Variants in SH2D7 observed in about 807,000 individuals in gnomAD.
The protein encoded by SH2D7 is SH2 domain containing 7.
SH2D7 carries 32 observed loss-of-function variants against 40.8 expected under a neutral mutation model. The observed-to-expected ratio is 0.78, with a 90% CI of 0.59 to 1.05. The LOEUF is 1.05. SH2D7 is among the 50% of genes least tolerant of loss of function. SH2D7 has a pLI of 0.00. For missense variants in SH2D7, 559 were observed against 566.6 expected (o/e 0.99, Z 0.14); for synonymous variants, 195 against 221.5 (o/e 0.88, Z 1.06).
Position 78,101,445 on chromosome 15 carries a change from C to T in SH2D7, c.1192C>T (p.Pro398Ser), listed in dbSNP as rs1411671767. The change falls in exon 5 of 6, where the codon CCA (proline) becomes TCA (serine). Residue 398 changes from proline (P) to serine (S), a missense_variant. By Grantham distance (74) the Pro-to-Ser change is moderately conservative. Transcript: ENST00000328828. The stretch of plus-strand genomic sequence containing the variant: ...TCCTGGGGCCAGTCCCACATATAGC[C>T]CATGGGTCCATGGCTACAAGAGGAT... The part of the protein sequence containing the change: ...PHPGASPTYS[P>S]WVHGYKRISG... 1.2e-6 allele frequency: 2 copies of T among 1,613,182 alleles called. No homozygotes were observed. The highest frequency in any genetic ancestry group is 1.1e-5 in the South Asian group (1 of 90,954).
intron 1 of SH2D7, among the ~76,000 whole-genome samples, 197 bp from the exon 2 acceptor site, chr15:78,093,915 T>G (rs2073954423): frequency 6.6e-6 from 1 of 152,176 alleles, no homozygotes; most frequent in Non-Finnish European, 1.5e-5. Flanking sequence ...AACTTAATCA[T>G]TTGGGCTCAG....
chr15:78,092,803 C>T (rs1365329561), intron 1 of SH2D7, 43 bp downstream of exon 1: 1 of 1,552,158 alleles, frequency 6.4e-7, no homozygotes, highest in Non-Finnish European at 8.7e-7. Flanking sequence ...GCCCACAGCC[C>T]CTTGGGGCTG....
chr15:78,097,730 C>T (rs896818488), intron 2 of SH2D7, among the ~76,000 whole-genome samples, 199 bp from the exon 3 acceptor site: 2 of 152,192 alleles, frequency 1.3e-5, no homozygotes, highest in Admixed American at 6.5e-5. Flanking sequence ...CAGGGCTCCA[C>T]GGTTTGAAAA....
chr15:78,100,088 C>T (rs1370983210), intron 4 of SH2D7, among the ~76,000 whole-genome samples: 7 of 152,230 alleles, frequency 4.6e-5, no homozygotes, highest in Admixed American at 6.5e-5. Context: ...TCATATAGCA[C>T]ATCAAACCAT....
chr15:78,098,720 C>A (rs2073992488), intron 4 of SH2D7, 124 bp downstream of exon 4: 2 of 1,171,960 alleles, frequency 1.7e-6, no homozygotes, highest in Non-Finnish European at 2.4e-6. Flanking sequence ...TGAGCCAGGC[C>A]CAGAGGTGCG....
At chr15:78,101,607 T>C in intron 5 of SH2D7, 49 bp downstream of exon 5, 1 of 1,505,256 alleles carries the variant, frequency 6.6e-7, no homozygotes, top group Non-Finnish European at 8.8e-7. Flanking sequence ...AGAGAGCACC[T>C]GGTGGTAGGA....
rs1046880862 is a variant in SH2D7 at position 78,092,864 on chromosome 15, G to A, written c.176+104G>A. 3 of 1,350,524 alleles carry A rather than the reference G, an allele frequency of 2.2e-6. No homozygotes were observed. The African/African-American group carries it at 4.4e-5, about 20-fold the overall frequency. The allele number at this position is 1,350,524 out of a possible 1,614,324, so 83.7% of individuals were successfully genotyped here. On this transcript the variant is annotated intron_variant, in intron 1 of 5. Transcript: ENST00000328828. ...CAGACTGGTTCCCATCCTTTCCCTGGGCTAGGCAGGGGCCCTTGGAGGCGG... is the reference window on the plus strand; with the variant it reads ...CAGACTGGTTCCCATCCTTTCCCTGAGCTAGGCAGGGGCCCTTGGAGGCGG...
At chr15:78,099,283 G>C (rs1435647594) in intron 4 of SH2D7, among the ~76,000 whole-genome samples, 1 of 151,582 alleles carries the variant, frequency 6.6e-6, no homozygotes, top group Non-Finnish European at 1.5e-5. Flanking sequence ...AAAGTGCTGG[G>C]ATTACAGGCA....
At chr15:78,098,243 A>G in intron 3 of SH2D7, 141 bp from the exon 4 acceptor site, 1 of 1,385,324 alleles carries the variant, frequency 7.2e-7, no homozygotes. Flanking sequence ...CTATTGGAAA[A>G]AGGGAGACTG....
chr15:78,097,499 T>C (rs929693428), intron 2 of SH2D7, among the ~76,000 whole-genome samples: 2 of 152,148 alleles, frequency 1.3e-5, no homozygotes, highest in Non-Finnish European at 2.9e-5. Flanking sequence ...AGGTGCAGGG[T>C]TGGATCCTGT....
At position 78,094,200 on chromosome 15, in the gene SH2D7, A is replaced by G; in HGVS notation, c.265A>G (p.Arg89Gly). The G allele has an allele frequency of 6.2e-7, 1 of 1,606,974 alleles. No individual in the cohort carries two copies. ...AGCCACTGGCTACATCTTGTCCTAC[A>G]GGTAAGAGGGGAAGCCCTCTGGGCA... ...DRATGYILSY[R>G]GSDRCRHFVI... The change falls in exon 2 of 6, where the codon AGG (arginine) becomes GGG (glycine). Residue 89 changes from arginine (R) to glycine (G), a missense_variant and splice_region_variant. Coordinates refer to ENST00000328828, the MANE Select transcript of SH2D7 (RefSeq NM_001101404.2).
At chr15:78,094,873 G>C (rs1019850115) in intron 2 of SH2D7, among the ~76,000 whole-genome samples, 11 of 152,126 alleles carry the variant, frequency 7.2e-5, no homozygotes, top group Non-Finnish European at 1.5e-4. Context: ...AGTGGGGATA[G>C]AGAGAAGGAG....
At chr15:78,102,772 T>A (rs992846683) in intron 5 of SH2D7, among the ~76,000 whole-genome samples, 7 of 151,938 alleles carry the variant, frequency 4.6e-5, no homozygotes, top group African/African-American at 1.7e-4. Context: ...GGGAGGCAGA[T>A]GAACTCTCTG....
At position 78,098,081 on chromosome 15, in the gene SH2D7, C is replaced by A; in HGVS notation, c.419C>A (p.Ala140Asp). ...GAGCCCTTCAAAGAGATGCTGACTG[C>A]TGCCTGCCCCCGGGTAGGCGCCCCA... is the stretch of plus-strand genomic sequence containing the variant. ...QLEPFKEMLT[A>D]ACPRPEDNDL... The change falls in exon 3 of 6, where the codon GCT becomes GAT. Residue 140 changes from alanine to aspartate, a missense_variant. Ala to Asp is a moderately radical substitution (Grantham distance 126, BLOSUM62 -2). Coordinates refer to ENST00000328828, the MANE Select transcript of SH2D7 (RefSeq NM_001101404.2). 6.2e-7 allele frequency: 1 copy of A among 1,609,990 alleles called. No individual in the cohort carries two copies. The highest frequency in any genetic ancestry group is 8.5e-7 in the Non-Finnish European group (1 of 1,177,832).
At chr15:78,091,401 G>A (rs2073939848), upstream of SH2D7, 1 of 152,100 alleles carries the variant, frequency 6.6e-6, no homozygotes, top group Admixed American at 6.5e-5. Flanking sequence ...TTTGCCTCAT[G>A]CCCATTTTAC....
chr15:78,103,442 C>T (rs1366129391), intron 5 of SH2D7, 23 bp from the exon 6 acceptor site: 2 of 1,553,784 alleles, frequency 1.3e-6, no homozygotes, highest in African/African-American at 2.7e-5. Flanking sequence ...CCCCAGGCCC[C>T]AGTATCTCCT....
At chr15:78,092,372 G>A (rs909677538), upstream of SH2D7, among the ~76,000 whole-genome samples, 3 of 152,156 alleles carry the variant, frequency 2.0e-5, no homozygotes, top group African/African-American at 7.2e-5. Flanking sequence ...GGCTGCTACG[G>A]TGATTGTTCC....
Position 78,098,053 on chromosome 15 carries a change from C to G in SH2D7, c.391C>G (p.Leu131Val). 6.2e-7 allele frequency: 1 copy of G among 1,613,760 alleles called. No individual in the cohort carries two copies. The highest frequency in any genetic ancestry group is 8.5e-7 in the Non-Finnish European group (1 of 1,179,762). The change falls in exon 3 of 6, where the codon CTC (leucine) becomes GTC (valine). Residue 131 changes from leucine to valine, a missense_variant. Leu to Val is a conservative substitution (Grantham distance 32). Coordinates refer to ENST00000328828, the MANE Select transcript of SH2D7 (RefSeq NM_001101404.2). ...ELVHHYQEAQ[L>V]EPFKEMLTAA... ...TGTGCACCATTACCAGGAGGCACAGCTCGAGCCCTTCAAAGAGATGCTGAC... is the reference window on the plus strand; with the variant it reads ...TGTGCACCATTACCAGGAGGCACAGGTCGAGCCCTTCAAAGAGATGCTGAC...
chr15:78,091,828 T>A (rs1284630862), upstream of SH2D7, among the ~76,000 whole-genome samples: 1 of 152,082 alleles, frequency 6.6e-6, no homozygotes, highest in East Asian at 1.9e-4. Flanking sequence ...CTGACAAGAG[T>A]CTACTCCCCT....
Sources: gnomAD v4.1 joint callset for allele counts (sites outside exome capture counted in the v4.1 genomes callset) on GRCh38, gnomAD v4.1.1 for gene constraint, MANE v1.5 for transcripts, NCBI Gene and HGNC (gene_info 2026-07-23, HGNC 2026-07-21) for gene names.